The following LRRTM4 variants were observed in gnomAD, a reference collection of about 807,000 sequenced individuals.
LRRTM4 encodes the protein leucine rich repeat transmembrane neuronal 4, also known as leucine-rich repeat transmembrane neuronal protein 4.
In LRRTM4, 25 loss-of-function variants were observed where a neutral mutation model predicts 47.6. That is an observed-to-expected ratio of 0.53 (90% CI 0.38 to 0.73). The LOEUF is 0.73. Among genes scored for constraint, LRRTM4 ranks in the 30% least tolerant of loss-of-function variants. The pLI, the probability that LRRTM4 is intolerant of heterozygous loss-of-function variation, is 0.00. For missense variants in LRRTM4, 638 were observed against 713.4 expected (o/e 0.89, Z 1.20); for synonymous variants, 311 against 269.5 (o/e 1.15, Z -1.51).
intron 3 of LRRTM4, among the ~76,000 whole-genome samples, chr2:77,139,006 A>AG (rs1299948827): frequency 1.3e-5 from 2 of 152,196 alleles, no homozygotes. Context: ...AAAAAAGTCC[A>AG]GGGCCAGATG....
intron 3 of LRRTM4, among the ~76,000 whole-genome samples, chr2:77,404,982 A>T (rs1251278973): frequency 6.6e-6 from 1 of 152,122 alleles, no homozygotes; most frequent in East Asian, 1.9e-4. Context: ...TTTTTAAATC[A>T]TTGAACTTTC....
chr2:77,484,447 C>T (rs930711398), intron 3 of LRRTM4, among the ~76,000 whole-genome samples: 1 of 152,056 alleles, frequency 6.6e-6, no homozygotes, highest in African/African-American at 2.4e-5. Context: ...ATAATTATAC[C>T]TTTGAGCAAG....
intron 3 of LRRTM4, among the ~76,000 whole-genome samples, chr2:77,131,625 T>G (rs2103977040): frequency 6.6e-6 from 1 of 152,266 alleles, no homozygotes; most frequent in African/African-American, 2.4e-5. Context: ...TATTATTTCA[T>G]TTTGTCAAAG....
chr2:77,210,851 C>A (rs539777120), intron 3 of LRRTM4, among the ~76,000 whole-genome samples: 3 of 152,106 alleles, frequency 2.0e-5, no homozygotes, highest in Non-Finnish European at 4.4e-5. Flanking sequence ...GCAAGAGAGA[C>A]ACATATGGAG....
At chr2:77,264,970 G>GT (rs1385864206) in intron 3 of LRRTM4, among the ~76,000 whole-genome samples, 1 of 151,998 alleles carries the variant, frequency 6.6e-6, no homozygotes, top group Non-Finnish European at 1.5e-5. Flanking sequence ...TTCAAAGATG[G>GT]TAAAACAACA....
intron 3 of LRRTM4, among the ~76,000 whole-genome samples, chr2:76,810,277 TA>T (rs1670694507): frequency 6.6e-6 from 1 of 152,222 alleles, no homozygotes; most frequent in Non-Finnish European, 1.5e-5. Flanking sequence ...GGGTAAATTC[TA>T]AAAAGCAAAT....
Position 76,942,420 on chromosome 2 carries a change from T to C in LRRTM4, c.1552-193504A>G, listed in dbSNP as rs186394384. ...ACGGGGTGTTAAGATTTAAAGATCA[T>C]TGGTGCTTTGCCCCTTGAAGGGAAC... On this transcript the variant is annotated intron_variant, in intron 3 of 3. Transcript: ENST00000409884. 1.1e-3 allele frequency among the ~76,000 whole-genome samples: 160 copies of C among 152,274 alleles called. 1 individual carries two copies. The highest frequency in any genetic ancestry group is 1.7e-3 in the East Asian group (9 of 5,184).
In LRRTM4 at chr2:77,509,075, T is replaced by C. The variant is rs537420955; in HGVS notation, c.1551+9243A>G. Among the ~76,000 whole-genome samples, 9 of 151,702 alleles carry C rather than the reference T, an allele frequency of 5.9e-5. 1 individual carries two copies. The East Asian group carries it at 1.6e-3, about 26-fold the overall frequency. On this transcript the variant is annotated intron_variant, in intron 3 of 3. Coordinates refer to ENST00000409884, the MANE Select transcript of LRRTM4 (RefSeq NM_001134745.3). ...GGTGAAACCCTGTCTCTACTACAAA[T>C]ACAAAAATTAGCCAGGCATGGTAGC...
At chr2:76,934,633 C>A (rs374843694) in intron 3 of LRRTM4, among the ~76,000 whole-genome samples, 1 of 152,114 alleles carries the variant, frequency 6.6e-6, no homozygotes, top group Admixed American at 6.5e-5. Context: ...GGTATCAGTA[C>A]GATGTCCCTG....
intron 3 of LRRTM4, among the ~76,000 whole-genome samples, chr2:77,202,989 G>A (rs1462682675): frequency 6.6e-6 from 1 of 151,892 alleles, no homozygotes; most frequent in Non-Finnish European, 1.5e-5. Context: ...TCCCCACCTG[G>A]CTGGTTTCGC....
At chr2:77,099,638 G>A (rs56727806) in intron 3 of LRRTM4, among the ~76,000 whole-genome samples, 20,352 of 151,378 alleles carry the variant, frequency 0.13, 1,994 homozygotes, top group East Asian at 0.37. Context: ...GTTATTTATC[G>A]TTTTTGTGGA....
At chr2:77,091,842 T>C (rs1434929271) in intron 3 of LRRTM4, among the ~76,000 whole-genome samples, 1 of 148,308 alleles carries the variant, frequency 6.7e-6, no homozygotes, top group East Asian at 2.1e-4. Flanking sequence ...GTGCTCTCCC[T>C]GCCAATCGTG....
chr2:77,334,704 A>G (rs1321694792), intron 3 of LRRTM4, among the ~76,000 whole-genome samples: 1 of 152,138 alleles, frequency 6.6e-6, no homozygotes, highest in East Asian at 1.9e-4. Context: ...ACTAATACAA[A>G]TACAGTTAGA....
intron 3 of LRRTM4, among the ~76,000 whole-genome samples, chr2:77,001,069 T>C (rs1352415561): frequency 6.6e-6 from 1 of 152,150 alleles, no homozygotes; most frequent in Non-Finnish European, 1.5e-5. Context: ...ATGTGTTCAG[T>C]ATATTTAAGC....
intron 3 of LRRTM4, among the ~76,000 whole-genome samples, chr2:76,797,860 A>G (rs1332550833): frequency 6.6e-6 from 1 of 151,796 alleles, no homozygotes; most frequent in African/African-American, 2.4e-5. Context: ...AGATCAAAAG[A>G]GACAGTGAAG....
intron 3 of LRRTM4, among the ~76,000 whole-genome samples, chr2:76,958,919 T>A (rs576453776): frequency 6.6e-6 from 1 of 151,784 alleles, no homozygotes; most frequent in South Asian, 2.1e-4. Context: ...CCAGGCTTGT[T>A]ACTTGGAAAA....
intron 3 of LRRTM4, among the ~76,000 whole-genome samples, chr2:77,369,745 C>G (rs1297997449): frequency 6.6e-6 from 1 of 151,658 alleles, no homozygotes; most frequent in African/African-American, 2.4e-5. Context: ...CCCACCTAGG[C>G]TATATGGTAT....
At position 77,398,352 on chromosome 2, in the gene LRRTM4, T is replaced by C. The variant is rs144416973; in HGVS notation, c.1551+119966A>G. Among the ~76,000 whole-genome samples, 45 of 152,018 alleles carry C rather than the reference T, an allele frequency of 3.0e-4. No homozygotes were observed. In the East Asian group the frequency reaches 8.3e-3, roughly 28 times the overall value. ...GTTTAGGATTTCAGAATATTTTGAA[T>C]TTTAGAGAAGCAATTAAGCACATAT... On this transcript the variant is annotated intron_variant, in intron 3 of 3. Transcript: ENST00000409884.
chr2:76,914,875 A>G (rs923809193), intron 3 of LRRTM4, among the ~76,000 whole-genome samples: 3 of 152,344 alleles, frequency 2.0e-5, no homozygotes. Context: ...AAGGCTCTAG[A>G]TCACAGAATA....
Sources: allele counts gnomAD v4.1 joint callset (sites outside exome capture counted in the v4.1 genomes callset), GRCh38; gene constraint gnomAD v4.1.1; transcripts MANE v1.5; gene names NCBI Gene and HGNC (gene_info 2026-07-23, HGNC 2026-07-21).